SLC8A1: variants seen among roughly 807,000 people sequenced by gnomAD.
SLC8A1 encodes solute carrier family 8 member A1, also known as sodium/calcium exchanger 1.
In SLC8A1, 18 loss-of-function variants were observed where a neutral mutation model predicts 68.3. That is an observed-to-expected ratio of 0.26 (90% CI 0.18 to 0.39). The LOEUF is 0.39. SLC8A1 is among the 10% of genes least tolerant of loss of function. The pLI is 1.00. For synonymous variants in SLC8A1, 475 were observed against 415.5 expected, an observed-to-expected ratio of 1.14 and a Z score of -1.74; for missense variants, 985 against 1,156.7, an observed-to-expected ratio of 0.85 and a Z score of 2.15.
At position 40,462,001 on chromosome 2, in the gene SLC8A1, C is replaced by CTTTTT. The variant is rs370223854; in HGVS notation, c.-24-31702_-24-31698dup. Among the ~76,000 whole-genome samples, 170 of 66,140 alleles carry CTTTTT rather than the reference C, an allele frequency of 2.6e-3. 23 individuals are homozygous for CTTTTT. Among genetic ancestry groups the CTTTTT allele is most frequent in the African/African-American group, 3.0e-3 (50 of 16,478 alleles). 43.4% of individuals were successfully genotyped at this position (66,140 alleles called of 152,430 possible). ...CCTCTCATTTTAAAGTAAAATCCTCCTTTTTTTTTTTTTTTTTTTTTTTGA... is the reference window on the plus strand; with the variant it reads ...CCTCTCATTTTAAAGTAAAATCCTCCTTTTTTTTTTTTTTTTTTTTTTTTTTTTGA... On this transcript the variant is annotated intron_variant, in intron 1 of 7. Coordinates refer to the SLC8A1 transcript ENST00000402441.
intron 2 of SLC8A1, among the ~76,000 whole-genome samples, chr2:40,349,134 G>T (rs1575598134): frequency 6.6e-6 from 1 of 152,222 alleles, no homozygotes; most frequent in East Asian, 1.9e-4. Context: ...TCATCTAAAT[G>T]AAGGAAAATT....
At chr2:40,306,156 G>T (rs2072548505) in intron 2 of SLC8A1, among the ~76,000 whole-genome samples, 1 of 152,208 alleles carries the variant, frequency 6.6e-6, no homozygotes, top group Non-Finnish European at 1.5e-5. Flanking sequence ...TAAGCTTGGG[G>T]AACCCAAATA....
chr2:40,428,411 A>C, intron 2 of SLC8A1, 62 bp downstream of exon 2: 1 of 1,419,218 alleles, frequency 7.0e-7, no homozygotes, highest in Non-Finnish European at 9.1e-7. Context: ...TCACATTCAT[A>C]AACACACTGA....
In SLC8A1 at chr2:40,236,248, G is replaced by T. The variant is rs1389372717; in HGVS notation, c.1809-58393C>A. On this transcript the variant is annotated intron_variant, in intron 2 of 7. Coordinates refer to ENST00000406785, the Ensembl canonical transcript of SLC8A1. ...GTGTGGGAGTCTAAGTCTCTTTGAAGGTCACTCAGGACTTGCTTTATGAAT... is the reference window on the plus strand; with the variant it reads ...GTGTGGGAGTCTAAGTCTCTTTGAATGTCACTCAGGACTTGCTTTATGAAT... Among the ~76,000 whole-genome samples, 2 of 151,048 alleles carry T rather than the reference G, an allele frequency of 1.3e-5. 1 individual carries two copies.
chr2:40,443,273 A>G (rs945006045), intron 1 of SLC8A1, among the ~76,000 whole-genome samples: 10 of 152,228 alleles, frequency 6.6e-5, no homozygotes, highest in African/African-American at 2.4e-4. Flanking sequence ...AAGTAAAAAA[A>G]GAAATCCATA....
chr2:40,438,906 G>T (rs547886292), intron 1 of SLC8A1, among the ~76,000 whole-genome samples: 1 of 152,126 alleles, frequency 6.6e-6, no homozygotes, highest in South Asian at 2.1e-4. Context: ...CACAGGAACA[G>T]CACACAGGGC....
At chr2:40,134,091 G>GTTTGTTTGTTTT (rs138076618) in intron 7 of SLC8A1, among the ~76,000 whole-genome samples, 1 of 50,090 alleles carries the variant, frequency 2.0e-5, no homozygotes, top group Non-Finnish European at 3.8e-5. Flanking sequence ...TTGTTTGTTT[G>GTTTGTTTGTTTT]TTTGTGTTTT....
chr2:40,142,436 C>A (rs1219681981), intron 6 of SLC8A1, among the ~76,000 whole-genome samples: 2 of 152,104 alleles, frequency 1.3e-5, no homozygotes, highest in Non-Finnish European at 2.9e-5. Flanking sequence ...GGATCCTATC[C>A]TTTTTAATTT....
chr2:40,365,919 C>T (rs1440077168), intron 2 of SLC8A1, among the ~76,000 whole-genome samples: 1 of 151,238 alleles, frequency 6.6e-6, no homozygotes, highest in African/African-American at 2.4e-5. Context: ...CTGATTAAGC[C>T]CAGGAGTTCA....
At chr2:40,250,886 T>A (rs763034315) in intron 2 of SLC8A1, 3 of 152,188 alleles carry the variant, frequency 2.0e-5, no homozygotes, top group Admixed American at 6.5e-5. Flanking sequence ...TTCCAATGAT[T>A]GATTGGATCA....
At chr2:40,436,778 A>G (rs1699505032) in intron 1 of SLC8A1, among the ~76,000 whole-genome samples, 1 of 152,180 alleles carries the variant, frequency 6.6e-6, no homozygotes. Context: ...ATGGGTAGAA[A>G]AAAGAAAGCT....
chr2:40,332,258 T>C (rs904158598), intron 2 of SLC8A1, among the ~76,000 whole-genome samples: 2 of 152,198 alleles, frequency 1.3e-5, no homozygotes, highest in Non-Finnish European at 2.9e-5. Flanking sequence ...CACATGCAAT[T>C]GGCTGTTTAG....
At chr2:40,266,278 G>A (rs977482771) in intron 2 of SLC8A1, among the ~76,000 whole-genome samples, 3 of 152,238 alleles carry the variant, frequency 2.0e-5, no homozygotes, top group Admixed American at 2.0e-4. Flanking sequence ...TTGCCAGCCT[G>A]AGCCTAACAG....
intron 2 of SLC8A1, among the ~76,000 whole-genome samples, chr2:40,229,620 A>G (rs2059399453): frequency 6.6e-6 from 1 of 152,158 alleles, no homozygotes; most frequent in South Asian, 2.1e-4. Flanking sequence ...ACAACACCAC[A>G]TCAGTGTCAT....
intron 2 of SLC8A1, among the ~76,000 whole-genome samples, chr2:40,331,269 T>C (rs1390308546): frequency 2.0e-5 from 3 of 152,216 alleles, no homozygotes; most frequent in Admixed American, 1.3e-4. Context: ...CATTATTTAT[T>C]ACCACTAGTG....
Position 40,262,471 on chromosome 2 carries a change from A to T in SLC8A1, c.1809-84616T>A, listed in dbSNP as rs1163772365. On this transcript the variant is annotated intron_variant, in intron 2 of 7. Transcript: ENST00000406785. ...AAATATAGTCTTTGATCCACTGGAA[A>T]ATCCAGCAATATCTAACTTAAACAA... is the stretch of plus-strand genomic sequence containing the variant. Among the ~76,000 whole-genome samples, 4 of 152,288 alleles carry T rather than the reference A, an allele frequency of 2.6e-5. No individual in the cohort carries two copies. The East Asian group carries it at 7.7e-4, about 29-fold the overall frequency.
At chr2:40,505,288 G>T (rs1044611881) in intron 1 of SLC8A1, among the ~76,000 whole-genome samples, 2 of 151,806 alleles carry the variant, frequency 1.3e-5, no homozygotes, top group Non-Finnish European at 2.9e-5. Flanking sequence ...GCACATCAGG[G>T]TGACTGTAGT....
At chr2:40,245,678 T>G (rs558863351) in intron 2 of SLC8A1, among the ~76,000 whole-genome samples, 65 of 152,126 alleles carry the variant, frequency 4.3e-4, no homozygotes, top group African/African-American at 1.4e-3. Flanking sequence ...ACTTAAAAAG[T>G]CAAACTTTTT....
intron 2 of SLC8A1, among the ~76,000 whole-genome samples, chr2:40,387,014 C>A (rs1209227238): frequency 6.6e-6 from 1 of 151,174 alleles, no homozygotes; most frequent in Non-Finnish European, 1.5e-5. Context: ...AACTTGGATC[C>A]TAAAATTCAC....
Sources: gnomAD v4.1 joint callset for allele counts (sites outside exome capture counted in the v4.1 genomes callset) on GRCh38, gnomAD v4.1.1 for gene constraint, MANE v1.5 for transcripts, NCBI Gene and HGNC (gene_info 2026-07-23, HGNC 2026-07-21) for gene names.